LRTM2: variants seen among roughly 807,000 people sequenced by gnomAD.
The protein encoded by LRTM2 is leucine rich repeat transmembrane protein 2, also known as leucine-rich repeat and transmembrane domain-containing protein 2.
In LRTM2, 18 loss-of-function variants were observed where a neutral mutation model predicts 28.1. That is an observed-to-expected ratio of 0.64 (90% CI 0.44 to 0.95). LRTM2 has a LOEUF of 0.95. Ranked by LOEUF, LRTM2 falls within the 40% of genes least tolerant of loss-of-function variation. LRTM2 has a pLI of 0.00. For missense variants in LRTM2, 436 were observed against 497.2 expected (o/e 0.88, Z 1.17); for synonymous variants, 250 against 218.7 (o/e 1.14, Z -1.26).
rs1864498339 is a variant in LRTM2 at position 1,829,045 on chromosome 12, G to C, written c.67+830G>C. ...CTGAATTATTCACCATGTGAGAGAG[G>C]CTGGCCCCTGAGTGACTCAGATCTC... On this transcript the variant is annotated intron_variant, in intron 3 of 4. Transcript: ENST00000299194. The surrounding 1 kb of genome is among the most constrained non-coding windows in gnomAD (Gnocchi z 4.2). Among the ~76,000 whole-genome samples, 2 of 152,218 alleles carry C rather than the reference G, an allele frequency of 1.3e-5. No individual in the cohort carries two copies. Among genetic ancestry groups the C allele is most frequent in the East Asian group, 3.9e-4 (2 of 5,190 alleles).
At position 1,834,863 on chromosome 12, in the gene LRTM2, C is replaced by A; in HGVS notation, c.*142C>A. 1 of 1,412,614 alleles carries A rather than the reference C, an allele frequency of 7.1e-7. No individual in the cohort carries two copies. Among genetic ancestry groups the A allele is most frequent in the Non-Finnish European group, 9.3e-7 (1 of 1,080,052 alleles). The allele number at this position is 1,412,614 out of a possible 1,614,324, so 87.5% of individuals were successfully genotyped here. On this transcript the variant is annotated 3_prime_UTR_variant, in exon 5 of 5. Coordinates refer to ENST00000299194, the MANE Select transcript of LRTM2 (RefSeq NM_001039029.3). This position sits in a 1 kb window ranked among gnomAD's most constrained non-coding sequence, Gnocchi z 7.6. ...CCGCCCTCCAGCAGACAAGCCACAC[C>A]GGGTTCTCTCCCTGCACTTTCGAGG...
Position 1,828,076 on chromosome 12 carries a change from G to A in LRTM2, c.-73G>A. On this transcript the variant is annotated splice_region_variant and 5_prime_UTR_variant, in exon 3 of 5. Coordinates refer to ENST00000299194, the MANE Select transcript of LRTM2 (RefSeq NM_001039029.3). This position sits in a 1 kb window ranked among gnomAD's most constrained non-coding sequence, Gnocchi z 4.2. ...TGCTCAGTGCTCCTCCCTCCCTCAG[G>A]ACTGACAGGCGGCGCACCCAGGGGC... 4.3e-6 allele frequency: 6 copies of A among 1,401,912 alleles called. No individual in the cohort carries two copies. Among genetic ancestry groups the A allele is most frequent in the Middle Eastern group, 2.5e-4 (1 of 3,968 alleles). The allele number at this position is 1,401,912 out of a possible 1,614,324, so 86.8% of individuals were successfully genotyped here. A position where few individuals can be genotyped will look rare whatever the true frequency, so the allele number is the denominator to read the frequency against.
Position 1,830,922 on chromosome 12 carries a change from C to T in LRTM2, c.68-13C>T, listed in dbSNP as rs1373997121. ...CTATTGCTTTCTTTCCCCCGTCTGT[C>T]CCTCCCACCAAGGGATCACCTGCTG... On this transcript the variant is annotated splice_polypyrimidine_tract_variant and intron_variant, in intron 3 of 4. Coordinates refer to ENST00000299194, the MANE Select transcript of LRTM2 (RefSeq NM_001039029.3). 1 of 1,583,352 alleles carries T rather than the reference C, an allele frequency of 6.3e-7. No homozygotes were observed. The highest frequency in any genetic ancestry group is 8.6e-7 in the Non-Finnish European group (1 of 1,159,374).
In LRTM2 at chr12:1,831,221, G is replaced by C. The variant is rs1278258682; in HGVS notation, c.354G>C (p.Leu118=). 1 of 1,613,852 alleles carries C rather than the reference G, an allele frequency of 6.2e-7. No homozygotes were observed. Among genetic ancestry groups the C allele is most frequent in the Non-Finnish European group, 8.5e-7 (1 of 1,180,038 alleles). The change falls in exon 4 of 5, where the codon CTG becomes CTC. Residue 118 remains leucine, a synonymous_variant. Transcript: ENST00000299194. ...PRSIFGDLTN[L]TELQLRNNSI... is the part of the protein sequence containing the mutation. ...CCATTTTCGGGGACCTGACGAATCT[G>C]ACTGAGCTTCAGCTGCGCAATAACA...
Position 1,831,391 on chromosome 12 carries a change from G to A in LRTM2, c.524G>A (p.Arg175His), listed in dbSNP as rs756490188. The A allele has an allele frequency of 1.4e-5, 23 of 1,613,876 alleles. No individual in the cohort carries two copies. Among genetic ancestry groups the A allele is most frequent in the Middle Eastern group, 1.6e-4 (1 of 6,084 alleles). The change falls in exon 4 of 5, where the codon CGT becomes CAT. Residue 175 changes from arginine (R) to histidine (H), a missense_variant. Transcript: ENST00000299194. ...ALRSLSLRSN[R>H]LQNLDRLTFE... ...CGCTCCCTCTCGCTTCGCTCCAACCGTCTGCAGAATCTGGACCGGCTGACA... is the reference window on the plus strand; with the variant it reads ...CGCTCCCTCTCGCTTCGCTCCAACCATCTGCAGAATCTGGACCGGCTGACA...
chr12:1,822,399 G>A (rs191244597), intron 1 of LRTM2, among the ~76,000 whole-genome samples: 2 of 152,182 alleles, frequency 1.3e-5, no homozygotes, highest in South Asian at 2.1e-4. Context: ...CTGCCCCTCT[G>A]GTCTTCCTCC....
At position 1,829,151 on chromosome 12, in the gene LRTM2, T is replaced by C. The variant is rs1405102464; in HGVS notation, c.67+936T>C. ...TTGTCACTGGAGCTTTTATGCCACC[T>C]TGATCTCCAGGGAGGTGGGGGGCGC... On this transcript the variant is annotated intron_variant, in intron 3 of 4. Transcript: ENST00000299194. This position sits in a 1 kb window ranked among gnomAD's most constrained non-coding sequence, Gnocchi z 4.2. 1.3e-5 allele frequency among the ~76,000 whole-genome samples: 2 copies of C among 152,230 alleles called. No individual in the cohort carries two copies. Among genetic ancestry groups the C allele is most frequent in the African/African-American group, 4.8e-5 (2 of 41,504 alleles).
intron 4 of LRTM2, among the ~76,000 whole-genome samples, chr12:1,831,824 G>A (rs1170625868): frequency 6.7e-6 from 1 of 150,086 alleles, no homozygotes; most frequent in Non-Finnish European, 1.5e-5. Flanking sequence ...CACTGAACTG[G>A]ATCTCCCTTT....
At chr12:1,826,408 C>CA (rs1433632144) in intron 1 of LRTM2, among the ~76,000 whole-genome samples, 5 of 60,040 alleles carry the variant, frequency 8.3e-5, no homozygotes, top group African/African-American at 1.4e-4. Flanking sequence ...GAGCCCCCCC[C>CA]CCCCCCCCGC....
At chr12:1,822,344 G>T (rs1864138905) in intron 1 of LRTM2, among the ~76,000 whole-genome samples, 1 of 152,100 alleles carries the variant, frequency 6.6e-6, no homozygotes, top group African/African-American at 2.4e-5. Context: ...GTGTCTGGGA[G>T]TTCTGGGGGT....
chr12:1,833,062 G>T lies in LRTM2; in HGVS notation c.659-1205G>T, dbSNP rs1036167153. ...CTTCAGACCCTCCTCTCCTGTGGTC[G>T]CCGGGAACTGAATTCCCAGCACAAA... On this transcript the variant is annotated intron_variant, in intron 4 of 4. Transcript: ENST00000299194. This position sits in a 1 kb window ranked among gnomAD's most constrained non-coding sequence, Gnocchi z 4.2. Among the ~76,000 whole-genome samples the T allele has an allele frequency of 6.6e-6, 1 of 152,132 alleles. No individual in the cohort carries two copies. The highest frequency in any genetic ancestry group is 1.5e-5 in the Non-Finnish European group (1 of 68,028).
intron 1 of LRTM2, among the ~76,000 whole-genome samples, chr12:1,824,821 G>A (rs1400624632): frequency 6.6e-6 from 1 of 152,176 alleles, no homozygotes; most frequent in Non-Finnish European, 1.5e-5. Context: ...ACTAGGGAGT[G>A]CTGGCTGCAG....
At chr12:1,823,022 G>A (rs915672660) in intron 1 of LRTM2, among the ~76,000 whole-genome samples, 5 of 152,202 alleles carry the variant, frequency 3.3e-5, no homozygotes, top group Non-Finnish European at 7.4e-5. Flanking sequence ...AGTGAAGGGG[G>A]CGGCAGAGTA....
rs146966947 is a variant in LRTM2, at chr12:1,828,580, G to T, written c.67+365G>T. ...AGCCTCACTGGTGCCTGAGCTTGTC[G>T]GCCTGTGTCACAGACTGCGGCGAGC... is the stretch of plus-strand genomic sequence containing the variant. On this transcript the variant is annotated intron_variant, in intron 3 of 4. Transcript: ENST00000299194. This position sits in a 1 kb window ranked among gnomAD's most constrained non-coding sequence, Gnocchi z 4.2. Among the ~76,000 whole-genome samples, 4 of 152,324 alleles carry T rather than the reference G, an allele frequency of 2.6e-5. No individual in the cohort carries two copies. Among genetic ancestry groups the T allele is most frequent in the African/African-American group, 9.6e-5 (4 of 41,580 alleles).
Position 1,829,344 on chromosome 12 carries a change from G to C in LRTM2, c.67+1129G>C, listed in dbSNP as rs77732151. Among the ~76,000 whole-genome samples the C allele has an allele frequency of 6.6e-6, 1 of 152,114 alleles. No individual in the cohort carries two copies. Among genetic ancestry groups the C allele is most frequent in the African/African-American group, 2.4e-5 (1 of 41,426 alleles). On this transcript the variant is annotated intron_variant, in intron 3 of 4. Transcript: ENST00000299194. This position sits in a 1 kb window ranked among gnomAD's most constrained non-coding sequence, Gnocchi z 4.2. The stretch of plus-strand genomic sequence containing the variant: ...AAGAATGCTGATTTTCAAATGGCTT[G>C]GGGTGGTGGTATGGGGCTGGCTGAT...
Position 1,828,964 on chromosome 12 carries a change from G to C in LRTM2, c.67+749G>C, listed in dbSNP as rs187732318. ...ACGGTGGCAGGGAGGAAACGGTCCC[G>C]CGGGACGGCATTCCGCCTGACTTCC... On this transcript the variant is annotated intron_variant, in intron 3 of 4. Coordinates refer to ENST00000299194, the MANE Select transcript of LRTM2 (RefSeq NM_001039029.3). The surrounding 1 kb of genome is among the most constrained non-coding windows in gnomAD (Gnocchi z 4.2). Among the ~76,000 whole-genome samples the C allele has an allele frequency of 6.6e-6, 1 of 152,184 alleles. No homozygotes were observed. The highest frequency in any genetic ancestry group is 2.4e-5 in the African/African-American group (1 of 41,444).
rs1453172826 is a variant in LRTM2, at chr12:1,835,679, C to G, written c.*958C>G. On this transcript the variant is annotated 3_prime_UTR_variant, in exon 5 of 5. Transcript: ENST00000299194. ...TCACCATGGTAACCCTCTCACACCT[C>G]TCCTGCTGGGCTTTCCCGGGATACC... 2 of 152,784 alleles carry G rather than the reference C, an allele frequency of 1.3e-5. No individual in the cohort carries two copies. Among genetic ancestry groups the G allele is most frequent in the Non-Finnish European group, 2.9e-5 (2 of 68,142 alleles). The allele number at this position is 152,784 out of a possible 1,614,324, so 9.5% of individuals were successfully genotyped here.
At position 1,827,726 on chromosome 12, in the gene LRTM2, A is replaced by G. The variant is rs527439101; in HGVS notation, c.-74+132A>G. 371 of 166,296 alleles carry G rather than the reference A, an allele frequency of 2.2e-3. 1 individual carries two copies. Among genetic ancestry groups the G allele is most frequent in the African/African-American group, 8.3e-3 (348 of 42,152 alleles). 10.3% of individuals were successfully genotyped at this position (166,296 alleles called of 1,614,324 possible). On this transcript the variant is annotated intron_variant, in intron 2 of 4. Coordinates refer to ENST00000299194, the MANE Select transcript of LRTM2 (RefSeq NM_001039029.3). ...ACCTCAGTTTCTCCACCCATAACTC[A>G]AGGAATGCCCAGATGGGAGACCAGG...
At chr12:1,824,438 G>GCCTC (rs1349291175) in intron 1 of LRTM2, among the ~76,000 whole-genome samples, 1 of 152,152 alleles carries the variant, frequency 6.6e-6, no homozygotes, top group Non-Finnish European at 1.5e-5. Context: ...TCATTTGACT[G>GCCTC]CTTTGAGCTC....
Sources: allele counts gnomAD v4.1 joint callset (sites outside exome capture counted in the v4.1 genomes callset), GRCh38; gene constraint gnomAD v4.1.1; non-coding constraint Gnocchi (gnomAD v3.1); transcripts MANE v1.5; gene names NCBI Gene and HGNC (gene_info 2026-07-23, HGNC 2026-07-21).